The following CD99L2 variants were observed in gnomAD, a reference collection of about 807,000 sequenced individuals.
The protein encoded by CD99L2 is CD99 molecule like 2.
In CD99L2, 24 loss-of-function variants were observed where a neutral mutation model predicts 27.3. That is an observed-to-expected ratio of 0.88 (90% confidence interval 0.64 to 1.24). The LOEUF (loss-of-function observed/expected upper bound fraction) is 1.24. Ranked by LOEUF, CD99L2 falls within the 50% of genes most tolerant of loss-of-function variation. The pLI is 0.00. For missense variants in CD99L2, 255 were observed against 221.6 expected (o/e 1.15, Z -0.96); for synonymous variants, 97 against 87.9 (o/e 1.10, Z -0.58).
At chrX:150,844,293 C>G (rs2046667126) in intron 1 of CD99L2, among the ~76,000 whole-genome samples, 1 of 112,408 alleles carries the variant, frequency 8.9e-6, no homozygotes. Flanking sequence ...AACAGCTTCA[C>G]ACCTCCCTGT....
chrX:150,867,084 CT>C (rs2047073607), intron 1 of CD99L2, among the ~76,000 whole-genome samples: 1 of 111,533 alleles, frequency 9.0e-6, no homozygotes, highest in Admixed American at 9.5e-5. Context: ...GAAGACATTC[CT>C]TTTTTACTTT....
At chrX:150,857,657 G>A (rs1382453261) in intron 1 of CD99L2, among the ~76,000 whole-genome samples, 1 of 111,722 alleles carries the variant, frequency 9.0e-6, no homozygotes, top group Non-Finnish European at 1.9e-5. Flanking sequence ...TCATGAAAAC[G>A]TACAAAAGTA....
chrX:150,787,784 T>C (rs1050885038), intron 7 of CD99L2, among the ~76,000 whole-genome samples: 8 of 99,963 alleles, frequency 8.0e-5, no homozygotes, highest in Non-Finnish European at 1.2e-4. Flanking sequence ...CTAGGAGATA[T>C]ACCTAATGTA....
chrX:150,806,805 C>G (rs998528567), intron 4 of CD99L2, among the ~76,000 whole-genome samples: 1 of 110,656 alleles, frequency 9.0e-6, no homozygotes, highest in Non-Finnish European at 1.9e-5. Context: ...GCAGGAGAAT[C>G]GCTTGAACCC....
chrX:150,865,964 T>C lies in CD99L2; in HGVS notation c.67+32558A>G, dbSNP rs190777220. On this transcript the variant is annotated intron_variant, in intron 1 of 10. Coordinates refer to ENST00000370377, the MANE Select transcript of CD99L2 (RefSeq NM_031462.4). ...AGTGAAAACCCATCTCTACAATAAA[T>C]ACAAAAATTGGCTGGGCGTGGTGAT... 5.8e-3 allele frequency among the ~76,000 whole-genome samples: 638 copies of C among 110,645 alleles called. 5 individuals carry two copies. The highest frequency in any genetic ancestry group is 0.02 in the African/African-American group (602 of 30,383).
chrX:150,838,678 TAA>T (rs5904288), intron 1 of CD99L2, among the ~76,000 whole-genome samples: 261 of 86,168 alleles, frequency 3.0e-3, no homozygotes, highest in Middle Eastern at 5.8e-3. Flanking sequence ...CACCAGAGGT[TAA>T]AAAAAAAAAA....
intron 1 of CD99L2, among the ~76,000 whole-genome samples, chrX:150,869,489 T>C (rs141913732): frequency 0.059 from 6,637 of 112,220 alleles, 160 homozygotes; most frequent in South Asian, 0.14. Context: ...TGTTTCTATC[T>C]CATATTTGTA....
At chrX:150,870,895 A>C (rs1326348268) in intron 1 of CD99L2, among the ~76,000 whole-genome samples, 5 of 110,938 alleles carry the variant, frequency 4.5e-5, no homozygotes, top group African/African-American at 1.6e-4. Flanking sequence ...TACACTCCTG[A>C]GAAGAGGGGG....
At chrX:150,811,614 C>T (rs1308691476) in intron 4 of CD99L2, among the ~76,000 whole-genome samples, 1 of 111,586 alleles carries the variant, frequency 9.0e-6, no homozygotes, top group Non-Finnish European at 1.9e-5. Context: ...AAACTACAAA[C>T]CTATTTCTGT....
intron 1 of CD99L2, among the ~76,000 whole-genome samples, chrX:150,880,401 T>C (rs1200179382): frequency 2.7e-5 from 3 of 111,987 alleles, no homozygotes; most frequent in African/African-American, 9.7e-5. Flanking sequence ...TGCTACAACG[T>C]GGATGGACCT....
chrX:150,817,407 TA>T (rs781999034), intron 2 of CD99L2, among the ~76,000 whole-genome samples: 20 of 108,658 alleles, frequency 1.8e-4, no homozygotes, highest in African/African-American at 5.3e-4. Flanking sequence ...AATTAGCAAA[TA>T]AAAAAAAATA....
intron 1 of CD99L2, among the ~76,000 whole-genome samples, chrX:150,894,262 A>G (rs1463348623): frequency 8.9e-6 from 1 of 112,009 alleles, no homozygotes; most frequent in Non-Finnish European, 1.9e-5. Flanking sequence ...TTTGCATCAC[A>G]TATTTTTAAA....
intron 2 of CD99L2, among the ~76,000 whole-genome samples, chrX:150,829,837 A>G (rs1428052759): frequency 1.8e-5 from 2 of 111,602 alleles, no homozygotes; most frequent in Admixed American, 9.5e-5. Flanking sequence ...GCTTTACTTT[A>G]TAAGTAGTTA....
At chrX:150,822,822 A>AT (rs1371376254) in intron 2 of CD99L2, among the ~76,000 whole-genome samples, 1 of 112,231 alleles carries the variant, frequency 8.9e-6, no homozygotes, top group Non-Finnish European at 1.9e-5. Context: ...TCAATAAATT[A>AT]TTTTTTTAAA....
intron 2 of CD99L2, among the ~76,000 whole-genome samples, chrX:150,817,076 T>G (rs1480870255): frequency 1.1e-5 from 1 of 92,475 alleles, no homozygotes; most frequent in Non-Finnish European, 2.2e-5. Flanking sequence ...AGGGATAGCT[T>G]TAGGAGATAT....
chrX:150,830,685 G>A (rs1207559429), intron 2 of CD99L2, among the ~76,000 whole-genome samples: 1 of 112,042 alleles, frequency 8.9e-6, no homozygotes, highest in African/African-American at 3.2e-5. Flanking sequence ...TGTCACACCA[G>A]TAGGGGCTAT....
chrX:150,875,615 T>C (rs1390001390), intron 1 of CD99L2, among the ~76,000 whole-genome samples: 1 of 112,027 alleles, frequency 8.9e-6, no homozygotes, highest in African/African-American at 3.2e-5. Context: ...ATTAGAATCA[T>C]GCAGTATGTG....
intron 1 of CD99L2, among the ~76,000 whole-genome samples, chrX:150,896,598 G>T (rs782687203): frequency 8.9e-6 from 1 of 111,837 alleles, no homozygotes; most frequent in Admixed American, 9.5e-5. Context: ...TGGCACACAG[G>T]AAGAACTCAG....
intron 2 of CD99L2, chrX:150,829,266 A>T (rs1419946307): frequency 1.2e-5 from 3 of 250,277 alleles, no homozygotes; most frequent in Non-Finnish European, 7.4e-6. Context: ...ATCTCTGCAG[A>T]TGTAATTAAG....
Sources: allele counts gnomAD v4.1 joint callset (sites outside exome capture counted in the v4.1 genomes callset), GRCh38; gene constraint gnomAD v4.1.1; transcripts MANE v1.5; gene names NCBI Gene and HGNC (gene_info 2026-07-23, HGNC 2026-07-21).